Variants in ZSCAN5A observed in about 807,000 individuals in gnomAD.
The protein encoded by ZSCAN5A is zinc finger and SCAN domain containing 5A.
A neutral mutation model predicts 23.7 loss-of-function variants in ZSCAN5A; 12 were observed. That is an observed-to-expected ratio of 0.51 (90% CI 0.32 to 0.82). ZSCAN5A has a LOEUF of 0.82. Ranked by LOEUF, ZSCAN5A falls within the 40% of genes least tolerant of loss-of-function variation. The pLI is 0.03. For synonymous variants in ZSCAN5A, 257 were observed against 239.9 expected, an observed-to-expected ratio of 1.07 and a Z score of -0.66; for missense variants, 597 against 617.9, an observed-to-expected ratio of 0.97 and a Z score of 0.36.
chr19:56,242,800 C>T (rs147037699), intron 2 of ZSCAN5A, among the ~76,000 whole-genome samples: 36 of 151,904 alleles, frequency 2.4e-4, no homozygotes, highest in Non-Finnish European at 4.3e-4. Context: ...TTTTTTGAGA[C>T]GGAGTCTCGC....
chr19:56,334,658 TCTCAGCCTTCACTGGTGATA>T (rs1399081075), intron 2 of ZSCAN5A, among the ~76,000 whole-genome samples: 6 of 152,298 alleles, frequency 3.9e-5, no homozygotes, highest in African/African-American at 1.4e-4. Flanking sequence ...CTTTGCTATT[TCTCAGCCTTCACTGGTGATA>T]CCTCCAGGTA....
intron 1 of ZSCAN5A, 68 bp downstream of exon 1, chr19:56,314,613 A>T (rs1398627668): frequency 7.5e-6 from 1 of 133,080 alleles, no homozygotes. Flanking sequence ...CCCTCTCCCC[A>T]ACCCACCCCA....
At chr19:56,297,452 C>T (rs1344566125) in intron 2 of ZSCAN5A, 1 of 829,624 alleles carries the variant, frequency 1.2e-6, no homozygotes. Context: ...TCTTCCTTTC[C>T]TCTTCCTCCT....
intron 2 of ZSCAN5A, among the ~76,000 whole-genome samples, chr19:56,344,880 G>A (rs1343467954): frequency 1.0e-4 from 14 of 133,390 alleles, no homozygotes; most frequent in Admixed American, 3.0e-4. Flanking sequence ...TCCGCAGTCC[G>A]GCCTGGGCGA....
intron 1 of ZSCAN5A, among the ~76,000 whole-genome samples, chr19:56,363,636 T>C (rs1487362992): frequency 6.6e-6 from 1 of 152,172 alleles, no homozygotes; most frequent in African/African-American, 2.4e-5. Flanking sequence ...GAGGAACTTA[T>C]TGGGAACTGG....
intron 2 of ZSCAN5A, among the ~76,000 whole-genome samples, chr19:56,327,975 T>C (rs2041451911): frequency 6.6e-6 from 1 of 152,186 alleles, no homozygotes; most frequent in Non-Finnish European, 1.5e-5. Context: ...CATATTTTGA[T>C]ACATATACAT....
rs200882365 is a variant in ZSCAN5A, at chr19:56,221,650, C to G, written c.1416G>C (p.Lys472Asn). Reference protein sequence around the residue: ...HSGEKPYKCSKCPRAFSRLKL... With the variant: ...HSGEKPYKCSNCPRAFSRLKL... ...TCAGCCGACTGAAGGCTCTTGGACA[C>G]TTGGAACATTTGTAGGGTTTCTCTC... Residue 472 changes from lysine to asparagine, a missense_variant, in exon 6 of 6, where the codon AAG (lysine) becomes AAC (asparagine). Lys to Asn is a moderately conservative substitution (Grantham distance 94). Transcript: ENST00000683990. The G allele has an allele frequency of 6.2e-7, 1 of 1,614,146 alleles. No homozygotes were observed. Among genetic ancestry groups the G allele is most frequent in the African/African-American group, 1.3e-5 (1 of 75,058 alleles).
At chr19:56,354,495 G>A (rs577669199) in intron 2 of ZSCAN5A, 1 of 152,240 alleles carries the variant, frequency 6.6e-6, no homozygotes, top group African/African-American at 2.4e-5. Flanking sequence ...AAATAACACA[G>A]GGTCTTTAAG....
chr19:56,354,865 C>T (rs1463166984), intron 2 of ZSCAN5A, among the ~76,000 whole-genome samples: 2 of 152,168 alleles, frequency 1.3e-5, no homozygotes, highest in Admixed American at 1.3e-4. Context: ...ATTCCCTAAA[C>T]TATGCATATT....
At chr19:56,249,246 G>C (rs577819746) in intron 2 of ZSCAN5A, among the ~76,000 whole-genome samples, 1 of 152,250 alleles carries the variant, frequency 6.6e-6, no homozygotes, top group East Asian at 1.9e-4. Flanking sequence ...CAGGGGTGTG[G>C]CCTTAGAGTT....
At chr19:56,301,982 G>A (rs1024427744) in intron 2 of ZSCAN5A, 1 of 1,232,058 alleles carries the variant, frequency 8.1e-7, no homozygotes, top group Non-Finnish European at 1.0e-6. Context: ...ACCCTTCTCA[G>A]GCACCACCCC....
intron 2 of ZSCAN5A, chr19:56,304,746 C>T (rs2040574227): frequency 2.0e-6 from 2 of 983,106 alleles, no homozygotes; most frequent in South Asian, 4.7e-5. Context: ...ACTCGCCTCA[C>T]CCCAACTGTT....
intron 2 of ZSCAN5A, among the ~76,000 whole-genome samples, chr19:56,339,266 C>T (rs182692665): frequency 0.01 from 1,535 of 151,878 alleles, 98 homozygotes; most frequent in Admixed American, 0.093. Context: ...AAAGGAGCAG[C>T]TGTAGCCATA....
chr19:56,336,924 G>C (rs2147443417), intron 2 of ZSCAN5A, among the ~76,000 whole-genome samples: 1 of 152,310 alleles, frequency 6.6e-6, no homozygotes, highest in East Asian at 1.9e-4. Flanking sequence ...AAATGCTGCT[G>C]CCTGATCATT....
intron 2 of ZSCAN5A, chr19:56,338,322 G>A (rs1388743418): frequency 6.6e-6 from 1 of 152,080 alleles, no homozygotes; most frequent in Non-Finnish European, 1.5e-5. Flanking sequence ...TTTAGGCATT[G>A]AAGACTGTTC....
intron 2 of ZSCAN5A, chr19:56,298,027 A>AGCTGGGGAGGTGGAGGCTGCAG (rs1307588465): frequency 6.7e-6 from 1 of 148,620 alleles, no homozygotes; most frequent in Non-Finnish European, 1.5e-5. Context: ...GTGAGCCGTG[A>AGCTGGGGAGGTGGAGGCTGCAG]TTGTGCCACC....
rs536329993 is a variant in ZSCAN5A at position 56,341,716 on chromosome 19, A to C, written c.-358+21519T>G. ...TTACCAAAAGGCAAAAAAAAAAAAA[A>C]AAAAAAAAAAACCCTTCTGCAGTGC... On this transcript the variant is annotated intron_variant, in intron 2 of 6. Transcript: ENST00000587340. 6.6e-5 allele frequency among the ~76,000 whole-genome samples: 10 copies of C among 150,982 alleles called. No homozygotes were observed. The East Asian group carries it at 1.5e-3, about 23-fold the overall frequency.
intron 2 of ZSCAN5A, among the ~76,000 whole-genome samples, chr19:56,247,975 C>A (rs188059173): frequency 6.6e-6 from 1 of 152,334 alleles, no homozygotes; most frequent in East Asian, 1.9e-4. Flanking sequence ...CAGGCGTGAG[C>A]CACCGCACCT....
intron 2 of ZSCAN5A, among the ~76,000 whole-genome samples, chr19:56,244,981 A>AT (rs2035751678): frequency 6.6e-6 from 1 of 152,182 alleles, no homozygotes; most frequent in African/African-American, 2.4e-5. Context: ...TTCACCCAGA[A>AT]TATTTCTCCT....
Sources: gnomAD v4.1 joint callset for allele counts (sites outside exome capture counted in the v4.1 genomes callset) on GRCh38, gnomAD v4.1.1 for gene constraint, MANE v1.5 for transcripts, NCBI Gene and HGNC (gene_info 2026-07-23, HGNC 2026-07-21) for gene names.